The following NTM variants were observed in gnomAD, a reference collection of about 807,000 sequenced individuals.
NTM encodes IgLON family member 2.
NTM carries 13 observed loss-of-function variants against 42.1 expected under a neutral mutation model. The observed-to-expected ratio is 0.31, with a 90% confidence interval of 0.20 to 0.49. The LOEUF is 0.49. NTM is among the 20% of genes least tolerant of loss of function. The probability of loss-of-function intolerance (pLI) is 0.99; values close to 1 mark genes in which losing one functional copy is unlikely to be tolerated. For synonymous variants in NTM, 187 were observed against 179.2 expected (o/e 1.04, Z -0.35); for missense variants, 373 against 452.8 (o/e 0.82, Z 1.60).
In NTM at chr11:132,278,781, C is replaced by G. The variant is rs188411124; in HGVS notation, c.527-28908C>G. Among the ~76,000 whole-genome samples the G allele has an allele frequency of 2.0e-3, 288 of 142,856 alleles. 3 individuals are homozygous for G. In the East Asian group the frequency reaches 0.028, roughly 14 times the overall value. The allele number at this position is 142,856 out of a possible 152,430, so 93.7% of individuals were successfully genotyped here. A position where few individuals can be genotyped will look rare whatever the true frequency, so the allele number is the denominator to read the frequency against. On this transcript the variant is annotated intron_variant, in intron 4 of 8. Coordinates refer to ENST00000683400, the MANE Select transcript of NTM (RefSeq NM_001352005.2). ...TCTCTCTCTCTCTCTCTCTCTCTCT[C>G]TCTTTACTGCTTAAATGTCAGTAAT...
chr11:131,510,630 T>C (rs567314029), intron 1 of NTM, among the ~76,000 whole-genome samples: 122 of 152,340 alleles, frequency 8.0e-4, no homozygotes, highest in African/African-American at 2.9e-3. Context: ...ACTTTTATGA[T>C]CATTTGATGA....
intron 1 of NTM, among the ~76,000 whole-genome samples, chr11:131,391,537 T>C (rs1450892800): frequency 3.3e-5 from 5 of 150,260 alleles, no homozygotes; most frequent in African/African-American, 1.2e-4. Flanking sequence ...TTTTACAGTA[T>C]GTTTAATAGG....
At chr11:131,757,550 G>C (rs571470168) in intron 1 of NTM, among the ~76,000 whole-genome samples, 1 of 152,170 alleles carries the variant, frequency 6.6e-6, no homozygotes, top group Non-Finnish European at 1.5e-5. Context: ...ATTTCCAGGC[G>C]TGTTAGGTCC....
intron 1 of NTM, among the ~76,000 whole-genome samples, chr11:131,599,343 ACCCAGTCTCCGGCAGATGCCCTGTCTAC>A: frequency 6.6e-6 from 1 of 151,874 alleles, no homozygotes; most frequent in African/African-American, 2.4e-5. Context: ...TGCCCTGTCT[ACCCAGTCTCCGGCAGATGCCCTGTCTAC>A]CCAGTCTCCG....
At chr11:132,144,142 T>C (rs2069806867) in intron 2 of NTM, among the ~76,000 whole-genome samples, 1 of 152,180 alleles carries the variant, frequency 6.6e-6, no homozygotes, top group Non-Finnish European at 1.5e-5. Context: ...CACTTTTGTG[T>C]AGTGTGGTGC....
At chr11:131,413,533 C>A (rs1946638660) in intron 1 of NTM, among the ~76,000 whole-genome samples, 2 of 152,316 alleles carry the variant, frequency 1.3e-5, no homozygotes, top group Non-Finnish European at 2.9e-5. Flanking sequence ...TTGGGAAGAG[C>A]TACCATTCTG....
At chr11:131,987,208 G>A (rs760000154) in intron 2 of NTM, among the ~76,000 whole-genome samples, 3 of 152,094 alleles carry the variant, frequency 2.0e-5, no homozygotes, top group African/African-American at 7.2e-5. Context: ...GGTCTGTCTG[G>A]CTTTAGTACC....
intron 2 of NTM, among the ~76,000 whole-genome samples, chr11:131,951,152 G>A (rs945964660): frequency 6.6e-5 from 10 of 152,274 alleles, no homozygotes; most frequent in African/African-American, 2.4e-4. Context: ...ATGGTACCGT[G>A]AAAATCACTA....
intron 1 of NTM, among the ~76,000 whole-genome samples, chr11:131,614,750 G>A (rs2061761378): frequency 6.6e-6 from 1 of 152,236 alleles, no homozygotes; most frequent in Admixed American, 6.5e-5. Flanking sequence ...AGGTCTCAGA[G>A]CACATAAAAC....
At chr11:131,876,708 A>G (rs1354234500) in intron 1 of NTM, among the ~76,000 whole-genome samples, 4 of 152,230 alleles carry the variant, frequency 2.6e-5, no homozygotes, top group Non-Finnish European at 5.9e-5. Context: ...AGGCCAGGTT[A>G]TATGAGTGAG....
chr11:132,255,074 T>C (rs1043411440), intron 4 of NTM, among the ~76,000 whole-genome samples: 3 of 152,146 alleles, frequency 2.0e-5, no homozygotes, highest in African/African-American at 7.2e-5. Flanking sequence ...ACATGCGGAG[T>C]TGAGGTTTCT....
At chr11:132,267,394 C>T (rs569043737) in intron 4 of NTM, among the ~76,000 whole-genome samples, 3 of 151,936 alleles carry the variant, frequency 2.0e-5, no homozygotes, top group Non-Finnish European at 4.4e-5. Context: ...CTGAAATTTA[C>T]GTATCTCCCT....
At chr11:132,328,416 T>C (rs2095729918) in intron 7 of NTM, among the ~76,000 whole-genome samples, 2 of 152,034 alleles carry the variant, frequency 1.3e-5, no homozygotes. Context: ...TTTCAAGTAG[T>C]GTGTGTTGGA....
intron 1 of NTM, chr11:131,661,252 G>T (rs2068020441): frequency 3.3e-6 from 1 of 305,372 alleles, no homozygotes; most frequent in South Asian, 3.6e-5. Flanking sequence ...CCTGGGTGAA[G>T]TTCCAAGTCA....
intron 1 of NTM, among the ~76,000 whole-genome samples, chr11:131,665,297 T>C (rs1232229377): frequency 6.6e-6 from 1 of 152,192 alleles, no homozygotes; most frequent in African/African-American, 2.4e-5. Flanking sequence ...ATTGCATTGA[T>C]GTGGAAAGCC....
chr11:131,430,096 C>T (rs546771432), intron 1 of NTM, among the ~76,000 whole-genome samples: 6 of 152,220 alleles, frequency 3.9e-5, no homozygotes, highest in African/African-American at 7.2e-5. Context: ...CTGTGCTGGG[C>T]GCTGGGATAT....
chr11:131,374,194 T>C (rs1190168150), intron 1 of NTM, among the ~76,000 whole-genome samples: 1 of 152,240 alleles, frequency 6.6e-6, no homozygotes, highest in Non-Finnish European at 1.5e-5. Flanking sequence ...GGAACCTGCC[T>C]GCCAGGCTTG....
At chr11:131,826,287 A>C (rs754757669) in intron 1 of NTM, among the ~76,000 whole-genome samples, 14 of 152,188 alleles carry the variant, frequency 9.2e-5, no homozygotes, top group Non-Finnish European at 2.1e-4. Flanking sequence ...ATGAAGCCTT[A>C]GCATGTTGGC....
intron 1 of NTM, among the ~76,000 whole-genome samples, chr11:131,575,588 T>C (rs2057853626): frequency 6.6e-6 from 1 of 152,202 alleles, no homozygotes; most frequent in Admixed American, 6.5e-5. Flanking sequence ...AGAGTTGAGA[T>C]GACCGAATGG....
Sources: gnomAD v4.1 joint callset for allele counts (sites outside exome capture counted in the v4.1 genomes callset) on GRCh38, gnomAD v4.1.1 for gene constraint, MANE v1.5 for transcripts, NCBI Gene and HGNC (gene_info 2026-07-23, HGNC 2026-07-21) for gene names.